THSD7B: variants seen among roughly 807,000 people sequenced by gnomAD.
THSD7B encodes the protein thrombospondin type 1 domain containing 7B.
A neutral mutation model predicts 213.6 loss-of-function variants in THSD7B; 138 were observed. That is an observed-to-expected ratio of 0.65 (90% CI 0.56 to 0.74). The LOEUF is 0.74. Ranked by LOEUF, THSD7B falls within the 30% of genes least tolerant of loss-of-function variation. THSD7B has a pLI of 0.00. For synonymous variants in THSD7B, 742 were observed against 687.0 expected, an observed-to-expected ratio of 1.08 and a Z score of -1.25; for missense variants, 1,931 against 1,991.5, an observed-to-expected ratio of 0.97 and a Z score of 0.58.
intron 2 of THSD7B, among the ~76,000 whole-genome samples, chr2:137,030,671 A>G (rs1256308732): frequency 6.6e-6 from 1 of 152,202 alleles, no homozygotes; most frequent in Admixed American, 6.5e-5. Context: ...TCAAGAATCA[A>G]AAACCAAGTG....
At chr2:137,199,573 G>A (rs1017402131) in intron 7 of THSD7B, among the ~76,000 whole-genome samples, 5 of 152,098 alleles carry the variant, frequency 3.3e-5, no homozygotes, top group African/African-American at 1.2e-4. Flanking sequence ...ACTTGGTTTT[G>A]TGATGCTCTT....
chr2:137,110,483 C>T (rs562605884), intron 4 of THSD7B, among the ~76,000 whole-genome samples: 3 of 152,176 alleles, frequency 2.0e-5, no homozygotes, highest in African/African-American at 7.2e-5. Flanking sequence ...ATTAGCATTC[C>T]CTTTCTCAGA....
intron 7 of THSD7B, among the ~76,000 whole-genome samples, chr2:137,214,717 A>C (rs1382120517): frequency 6.6e-6 from 1 of 152,116 alleles, no homozygotes; most frequent in Non-Finnish European, 1.5e-5. Flanking sequence ...TTTGCTGAGA[A>C]AGATGGTTTC....
intron 1 of THSD7B, among the ~76,000 whole-genome samples, chr2:136,809,381 C>G (rs376498935): frequency 6.6e-6 from 1 of 152,104 alleles, no homozygotes; most frequent in South Asian, 2.1e-4. Flanking sequence ...GAGTGAGGAG[C>G]CCAGAGGCTA....
At chr2:136,838,010 C>A (rs1682869791) in intron 1 of THSD7B, among the ~76,000 whole-genome samples, 1 of 152,174 alleles carries the variant, frequency 6.6e-6, no homozygotes, top group African/African-American at 2.4e-5. Context: ...TTCTCTTGAC[C>A]TCATTTTCCT....
intron 7 of THSD7B, among the ~76,000 whole-genome samples, chr2:137,179,385 C>T (rs1483690471): frequency 2.0e-5 from 3 of 152,032 alleles, no homozygotes; most frequent in Non-Finnish European, 4.4e-5. Context: ...GCTCATTACT[C>T]TTGACACATT....
intron 2 of THSD7B, among the ~76,000 whole-genome samples, chr2:136,898,815 G>A (rs376239538): frequency 6.6e-6 from 1 of 151,748 alleles, no homozygotes; most frequent in East Asian, 2.0e-4. Flanking sequence ...GCTAAGTTTT[G>A]TAGTTTTGGT....
intron 3 of THSD7B, among the ~76,000 whole-genome samples, chr2:137,058,798 C>A (rs1204841903): frequency 1.3e-5 from 2 of 152,052 alleles, no homozygotes. Flanking sequence ...TCCTCTCACT[C>A]TTTTTCTGCC....
Position 137,665,611 on chromosome 2 carries a change from A to G in THSD7B, c.4651+2036A>G, listed in dbSNP as rs373400144. 1.1e-4 allele frequency among the ~76,000 whole-genome samples: 17 copies of G among 152,198 alleles called. 1 individual carries two copies. In the East Asian group the frequency reaches 3.3e-3, roughly 29 times the overall value. On this transcript the variant is annotated intron_variant, in intron 26 of 27. Coordinates refer to ENST00000409968, the MANE Select transcript of THSD7B (RefSeq NM_001316349.2). ...ATACTAATATACTTATTTACCTGTC[A>G]TATATTTTGACCTAAAATGTTCCTC... is the stretch of plus-strand genomic sequence containing the variant.
At chr2:136,949,264 TA>T (rs1684993828) in intron 2 of THSD7B, among the ~76,000 whole-genome samples, 1 of 152,240 alleles carries the variant, frequency 6.6e-6, no homozygotes, top group South Asian at 2.1e-4. Flanking sequence ...CCACAAAATG[TA>T]AGTCTCAGCT....
At chr2:137,676,226 T>A (rs1683695857) in intron 27 of THSD7B, among the ~76,000 whole-genome samples, 1 of 152,180 alleles carries the variant, frequency 6.6e-6, no homozygotes, top group Non-Finnish European at 1.5e-5. Context: ...GCTTAAAAAT[T>A]AGTGAGAAAA....
At chr2:137,571,286 C>T (rs1681350713) in intron 16 of THSD7B, among the ~76,000 whole-genome samples, 1 of 152,130 alleles carries the variant, frequency 6.6e-6, no homozygotes, top group South Asian at 2.1e-4. Context: ...TTCATTCATT[C>T]TCATCACTTT....
chr2:137,193,952 A>G (rs1474217541), intron 7 of THSD7B, among the ~76,000 whole-genome samples: 2 of 151,686 alleles, frequency 1.3e-5, no homozygotes, highest in African/African-American at 4.9e-5. Context: ...TGAATTTGCA[A>G]CCTTGGTTTT....
At chr2:137,598,846 T>A (rs971349594) in intron 17 of THSD7B, among the ~76,000 whole-genome samples, 2 of 150,702 alleles carry the variant, frequency 1.3e-5, no homozygotes, top group African/African-American at 4.9e-5. Flanking sequence ...TTTCCTCCCT[T>A]CTTTTTTTTC....
At chr2:137,232,321 A>G (rs944841173) in intron 8 of THSD7B, among the ~76,000 whole-genome samples, 2 of 152,198 alleles carry the variant, frequency 1.3e-5, no homozygotes, top group African/African-American at 4.8e-5. Flanking sequence ...GTCAGGTATT[A>G]TTTCAGAGTT....
intron 12 of THSD7B, among the ~76,000 whole-genome samples, chr2:137,306,764 A>T (rs1401038369): frequency 6.6e-6 from 1 of 151,832 alleles, no homozygotes; most frequent in Non-Finnish European, 1.5e-5. Context: ...GCCCTTTTAA[A>T]AGTGTTTTCA....
chr2:137,052,476 T>G (rs1687086568), intron 2 of THSD7B, among the ~76,000 whole-genome samples: 1 of 152,256 alleles, frequency 6.6e-6, no homozygotes, highest in South Asian at 2.1e-4. Flanking sequence ...ATAAAAATTC[T>G]TGACATTTAA....
intron 1 of THSD7B, among the ~76,000 whole-genome samples, chr2:136,802,845 T>G (rs1682213938): frequency 6.6e-6 from 1 of 151,388 alleles, no homozygotes; most frequent in African/African-American, 2.4e-5. Context: ...CAGAGACACT[T>G]ACTATATAAC....
chr2:136,838,213 G>A lies in THSD7B; in HGVS notation c.-35-43931G>A, dbSNP rs142808479. 3.7e-3 allele frequency among the ~76,000 whole-genome samples: 559 copies of A among 152,020 alleles called. 1 individual carries two copies. Among genetic ancestry groups the A allele is most frequent in the Non-Finnish European group, 5.4e-3 (369 of 67,946 alleles). On this transcript the variant is annotated intron_variant, in intron 1 of 27. Coordinates refer to ENST00000409968, the MANE Select transcript of THSD7B (RefSeq NM_001316349.2). ...ACCACATTTGTTTTTTTTGTTTGAT[G>A]CTCTGGATGTGATCCCTGCTTTTCT...
Sources: gnomAD v4.1 joint callset for allele counts (sites outside exome capture counted in the v4.1 genomes callset) on GRCh38, gnomAD v4.1.1 for gene constraint, MANE v1.5 for transcripts, NCBI Gene and HGNC (gene_info 2026-07-23, HGNC 2026-07-21) for gene names.